TNRC6B: variants seen among roughly 807,000 people sequenced by gnomAD.
The protein encoded by TNRC6B is trinucleotide repeat-containing gene 6B protein.
Under a neutral mutation model 203.6 loss-of-function variants are expected in TNRC6B, and 52 were observed. The observed-to-expected ratio is 0.26, with a 90% CI of 0.20 to 0.32. The LOEUF (loss-of-function observed/expected upper bound fraction) is 0.32, where lower values mean the gene tolerates loss of function less well. Among genes scored for constraint, TNRC6B ranks in the 10% least tolerant of loss-of-function variants. TNRC6B has a pLI of 1.00. For synonymous variants in TNRC6B, 838 were observed against 845.7 expected, an observed-to-expected ratio of 0.99 and a Z score of 0.16; for missense variants, 1,923 against 2,286.2, an observed-to-expected ratio of 0.84 and a Z score of 3.24.
chr22:40,136,446 T>A (rs1311935397), intron 3 of TNRC6B, among the ~76,000 whole-genome samples: 3 of 150,724 alleles, frequency 2.0e-5, no homozygotes. Context: ...TCGCGTAGGC[T>A]GGAGTATAGT....
intron 1 of TNRC6B, among the ~76,000 whole-genome samples, chr22:40,060,718 C>T (rs944081621): frequency 4.0e-4 from 61 of 152,178 alleles, no homozygotes; most frequent in Non-Finnish European, 7.2e-4. Flanking sequence ...TGCCCAGGTG[C>T]AAGCTTCCAA....
chr22:40,315,800 A>G, intron 20 of TNRC6B, 142 bp from the exon 21 acceptor site: 1 of 710,524 alleles, frequency 1.4e-6, no homozygotes, highest in Non-Finnish European at 2.4e-6. Context: ...AGTAGAAGAG[A>G]AAAAGAAGGT....
intron 12 of TNRC6B, among the ~76,000 whole-genome samples, chr22:40,293,680 A>G (rs2070899368): frequency 2.6e-5 from 4 of 152,110 alleles, no homozygotes; most frequent in Non-Finnish European, 5.9e-5. Flanking sequence ...TGTGTCTCCC[A>G]TGCTTGCTCC....
Position 40,081,134 on chromosome 22 carries a change from T to C in TNRC6B, c.-120-35921T>C, listed in dbSNP as rs968537799. On this transcript the variant is annotated intron_variant, in intron 1 of 23. Coordinates refer to the TNRC6B transcript ENST00000301923. ...CCTCAGCCTCCCAAATTGCTGGGATTACAGGCGTGAGCCACCACGCTCAGC... is the reference window on the plus strand; with the variant it reads ...CCTCAGCCTCCCAAATTGCTGGGATCACAGGCGTGAGCCACCACGCTCAGC... 3.2e-4 allele frequency among the ~76,000 whole-genome samples: 49 copies of C among 152,314 alleles called. 1 individual carries two copies. Among genetic ancestry groups the C allele is most frequent in the African/African-American group, 1.1e-3 (47 of 41,578 alleles).
chr22:40,331,282 G>C lies in TNRC6B; in HGVS notation c.*8041G>C, dbSNP rs921159132. ...GGTTTTGAAGAGTTAAGATTGAAGT[G>C]TTTGAGAAAGAAAAGAGAAAAATCT... On this transcript the variant is annotated 3_prime_UTR_variant, in exon 23 of 23. Transcript: ENST00000454349. 1 of 157,534 alleles carries C rather than the reference G, an allele frequency of 6.3e-6. No homozygotes were observed. Among genetic ancestry groups the C allele is most frequent in the African/African-American group, 2.4e-5 (1 of 41,690 alleles). The allele number at this position is 157,534 out of a possible 1,614,324, so 9.8% of individuals were successfully genotyped here.
chr22:40,064,607 A>G (rs2146274568), intron 1 of TNRC6B, among the ~76,000 whole-genome samples: 1 of 150,234 alleles, frequency 6.7e-6, no homozygotes, highest in Non-Finnish European at 1.5e-5. Context: ...GTGATGGTGT[A>G]TAATCCTTTT....
At chr22:40,046,963 C>T (rs2067694272) in intron 1 of TNRC6B, among the ~76,000 whole-genome samples, 2 of 152,052 alleles carry the variant, frequency 1.3e-5, no homozygotes, top group Non-Finnish European at 2.9e-5. Context: ...GTTTTCAAGT[C>T]GGAGCAATAC....
chr22:40,286,494 G>A (rs2070783907), intron 12 of TNRC6B, among the ~76,000 whole-genome samples: 1 of 151,908 alleles, frequency 6.6e-6, no homozygotes, highest in South Asian at 2.1e-4. Flanking sequence ...GTTATAGAGC[G>A]AGACTCCATT....
chr22:40,177,059 T>C (rs182395159), upstream of TNRC6B, among the ~76,000 whole-genome samples: 1 of 152,258 alleles, frequency 6.6e-6, no homozygotes, highest in Non-Finnish European at 1.5e-5. Context: ...CCGCGGGGGC[T>C]GGAGATGCAA....
chr22:40,332,728 C>T lies in TNRC6B; in HGVS notation c.*9487C>T, dbSNP rs1188067087. On this transcript the variant is annotated 3_prime_UTR_variant, in exon 23 of 23. Transcript: ENST00000454349. Reference sequence around the variant, plus strand: ...AACTGTCTCACACAAAATAATACCTCGAGGTACATTTCCCCCTGCAATGTA... The same window carrying T: ...AACTGTCTCACACAAAATAATACCTTGAGGTACATTTCCCCCTGCAATGTA... 1.3e-5 allele frequency: 2 copies of T among 152,562 alleles called. No homozygotes were observed. The highest frequency in any genetic ancestry group is 4.8e-5 in the African/African-American group (2 of 41,420). 9.5% of individuals were successfully genotyped at this position (152,562 alleles called of 1,614,324 possible).
chr22:40,223,394 C>G (rs1203443204), intron 1 of TNRC6B, among the ~76,000 whole-genome samples: 1 of 152,186 alleles, frequency 6.6e-6, no homozygotes, highest in Non-Finnish European at 1.5e-5. Context: ...CTGCCTTGAC[C>G]TCCCAAAGTG....
In TNRC6B at chr22:40,265,708, A is replaced by G. The variant is rs766220961; in HGVS notation, c.1478A>G (p.Asp493Gly). The change falls in exon 5 of 23, where the codon GAC becomes GGC. Residue 493 changes from aspartate (D) to glycine (G), a missense_variant. By Grantham distance (94) the Asp-to-Gly change is moderately conservative. Coordinates refer to ENST00000454349, the MANE Select transcript of TNRC6B (RefSeq NM_001162501.2). ...SWNFGPQDSNDNKWGEGNKMT... is the reference protein window; with the variant it reads ...SWNFGPQDSNGNKWGEGNKMT... ...AACTTTGGCCCCCAGGACTCTAATG[A>G]CAACAAATGGGGTGAAGGGAACAAA... 1.2e-6 allele frequency: 2 copies of G among 1,614,026 alleles called. No individual in the cohort carries two copies.
chr22:40,104,848 C>T (rs9611266), intron 1 of TNRC6B, among the ~76,000 whole-genome samples: 11,292 of 152,164 alleles, frequency 0.074, 571 homozygotes, highest in Non-Finnish European at 0.12. Context: ...ACGAGAAGGC[C>T]GCAAAACTGA....
At chr22:40,263,247 T>A (rs4821939) in intron 4 of TNRC6B, among the ~76,000 whole-genome samples, 30,252 of 152,164 alleles carry the variant, frequency 0.2, 3,618 homozygotes, top group Admixed American at 0.34. Flanking sequence ...GGATGCTTTA[T>A]TTGAGTTCTG....
intron 1 of TNRC6B, among the ~76,000 whole-genome samples, chr22:40,053,990 G>A (rs1211554324): frequency 1.3e-5 from 2 of 152,296 alleles, no homozygotes; most frequent in African/African-American, 2.4e-5. Context: ...GCTGAGGTGG[G>A]TGAATATCTT....
chr22:40,278,286 A>C (rs1223768843), intron 9 of TNRC6B, among the ~76,000 whole-genome samples: 1 of 150,966 alleles, frequency 6.6e-6, no homozygotes, highest in East Asian at 2.0e-4. Context: ...GAGGCCGGGC[A>C]TGGTGGCTCA....
chr22:40,060,144 C>CTTTT (rs1175503527), intron 1 of TNRC6B, among the ~76,000 whole-genome samples: 2 of 125,274 alleles, frequency 1.6e-5, no homozygotes, highest in African/African-American at 5.8e-5. Flanking sequence ...TTTTTTTTTT[C>CTTTT]TTTTTTTTTT....
upstream of TNRC6B, among the ~76,000 whole-genome samples, chr22:40,174,819 C>T (rs911007444): frequency 9.6e-4 from 135 of 139,954 alleles, 1 homozygote; most frequent in African/African-American, 3.5e-3. Context: ...AGCGAGACTC[C>T]ATCTCAAAAA....
At chr22:40,281,800 G>A (rs1420896032) in intron 11 of TNRC6B, among the ~76,000 whole-genome samples, 2 of 152,090 alleles carry the variant, frequency 1.3e-5, no homozygotes, top group Admixed American at 6.5e-5. Context: ...AATAGTAAAC[G>A]GTGAAGCTTT....
Sources: allele counts gnomAD v4.1 joint callset (sites outside exome capture counted in the v4.1 genomes callset), GRCh38; gene constraint gnomAD v4.1.1; transcripts MANE v1.5; gene names NCBI Gene and HGNC (gene_info 2026-07-23, HGNC 2026-07-21).